Variants in KIF16B observed in about 807,000 individuals in gnomAD.
KIF16B encodes kinesin family member 16B.
A neutral mutation model predicts 156.3 loss-of-function variants in KIF16B; 98 were observed. The ratio of observed to expected loss-of-function variants is 0.63; its 90% confidence interval spans 0.53 to 0.74. The LOEUF is 0.74. Among genes scored for constraint, KIF16B ranks in the 30% least tolerant of loss-of-function variants. KIF16B has a pLI of 0.00. For synonymous variants in KIF16B, 564 were observed against 583.7 expected, an observed-to-expected ratio of 0.97 and a Z score of 0.49; for missense variants, 1,421 against 1,606.5, an observed-to-expected ratio of 0.88 and a Z score of 1.97.
chr20:16,423,072 G>C (rs2146389416), intron 15 of KIF16B, among the ~76,000 whole-genome samples: 1 of 152,194 alleles, frequency 6.6e-6, no homozygotes, highest in South Asian at 2.1e-4. Context: ...AATGCTGTAT[G>C]TGTTTTCATT....
At chr20:16,338,448 T>C (rs2064080878) in intron 23 of KIF16B, among the ~76,000 whole-genome samples, 2 of 152,162 alleles carry the variant, frequency 1.3e-5, no homozygotes, top group South Asian at 4.2e-4. Flanking sequence ...TGTCATCTGC[T>C]TCAGCCCTAT....
chr20:16,504,326 G>A, intron 10 of KIF16B, 46 bp downstream of exon 10: 8 of 1,566,328 alleles, frequency 5.1e-6, no homozygotes, highest in Non-Finnish European at 6.1e-6. Flanking sequence ...AGAAATAGAT[G>A]CCATTACTCA....
At chr20:16,309,569 C>T (rs2122686209) in intron 25 of KIF16B, among the ~76,000 whole-genome samples, 1 of 152,294 alleles carries the variant, frequency 6.6e-6, no homozygotes, top group South Asian at 2.1e-4. Context: ...ATGTCTTTAA[C>T]ATGAAAACAT....
chr20:16,551,248 A>G (rs564098991), intron 1 of KIF16B, among the ~76,000 whole-genome samples: 1 of 151,396 alleles, frequency 6.6e-6, no homozygotes, highest in South Asian at 2.1e-4. Context: ...CTCCTGCCTC[A>G]GCCTCCTAAG....
intron 24 of KIF16B, among the ~76,000 whole-genome samples, chr20:16,327,330 T>C (rs1301050167): frequency 1.3e-5 from 2 of 151,898 alleles, no homozygotes; most frequent in African/African-American, 2.4e-5. Flanking sequence ...AGACTACACA[T>C]TGGGTACAGT....
At chr20:16,553,548 T>G (rs986542270) in intron 1 of KIF16B, among the ~76,000 whole-genome samples, 5 of 152,242 alleles carry the variant, frequency 3.3e-5, no homozygotes, top group Admixed American at 1.3e-4. Context: ...TAAGCCTATT[T>G]GGACCTCAAT....
chr20:16,417,322 C>A (rs533252569), intron 15 of KIF16B, among the ~76,000 whole-genome samples: 1 of 152,130 alleles, frequency 6.6e-6, no homozygotes, highest in Non-Finnish European at 1.5e-5. Flanking sequence ...GGGTAGTACA[C>A]CCACTGCTAC....
intron 12 of KIF16B, among the ~76,000 whole-genome samples, chr20:16,460,663 T>C (rs938785075): frequency 2.0e-5 from 3 of 151,822 alleles, no homozygotes; most frequent in Non-Finnish European, 2.9e-5. Context: ...ATTCATCCAA[T>C]AGATAAATCA....
intron 12 of KIF16B, among the ~76,000 whole-genome samples, chr20:16,463,861 T>C (rs767119329): frequency 1.3e-5 from 2 of 152,214 alleles, no homozygotes; most frequent in Non-Finnish European, 2.9e-5. Flanking sequence ...ATTAAAAATA[T>C]TTTTTAATGA....
rs6034533 is a variant in KIF16B at position 16,563,234 on chromosome 20, C to T, written c.47+9995G>A. Among the ~76,000 whole-genome samples, 340 of 152,302 alleles carry T rather than the reference C, an allele frequency of 2.2e-3. 1 individual carries two copies. Among genetic ancestry groups the T allele is most frequent in the African/African-American group, 7.6e-3 (317 of 41,568 alleles). On this transcript the variant is annotated intron_variant, in intron 1 of 25. Coordinates refer to ENST00000354981, the MANE Select transcript of KIF16B (RefSeq NM_024704.5). ...ACCGAAGGCAAGCTTCCTGGCCCCACTGGTGGTTACCTCCTTTGTGCTTGG... is the reference window on the plus strand; with the variant it reads ...ACCGAAGGCAAGCTTCCTGGCCCCATTGGTGGTTACCTCCTTTGTGCTTGG...
At chr20:16,436,925 C>G (rs2066655448) in intron 12 of KIF16B, among the ~76,000 whole-genome samples, 2 of 152,158 alleles carry the variant, frequency 1.3e-5, no homozygotes, top group South Asian at 2.1e-4. Context: ...AAACAGTCAT[C>G]CCTTGATATC....
chr20:16,300,141 C>T lies in KIF16B; in HGVS notation c.3795+12194G>A, dbSNP rs183903429. On this transcript the variant is annotated intron_variant, in intron 25 of 25. Coordinates refer to ENST00000354981, the MANE Select transcript of KIF16B (RefSeq NM_024704.5). ...GCTTCTGTGTTCAAACATTTTAACACGGAAAGGGAATCCCACTAGGTCTAA... is the reference window on the plus strand; with the variant it reads ...GCTTCTGTGTTCAAACATTTTAACATGGAAAGGGAATCCCACTAGGTCTAA... Among the ~76,000 whole-genome samples the T allele has an allele frequency of 1.4e-4, 21 of 152,206 alleles. No homozygotes were observed. In the East Asian group the frequency reaches 2.3e-3, roughly 17 times the overall value.
chr20:16,335,660 T>C (rs2064022649), intron 24 of KIF16B, among the ~76,000 whole-genome samples: 1 of 152,216 alleles, frequency 6.6e-6, no homozygotes, highest in African/African-American at 2.4e-5. Flanking sequence ...ATGAGAAGGA[T>C]GGAGTTCACT....
chr20:16,329,153 C>A (rs2063906532), intron 24 of KIF16B, among the ~76,000 whole-genome samples: 2 of 152,134 alleles, frequency 1.3e-5, no homozygotes, highest in South Asian at 4.1e-4. Flanking sequence ...ACCAGTCATC[C>A]AAAAAGCTAG....
At chr20:16,293,227 C>T (rs970276439) in intron 25 of KIF16B, among the ~76,000 whole-genome samples, 2 of 152,048 alleles carry the variant, frequency 1.3e-5, no homozygotes, top group African/African-American at 4.8e-5. Flanking sequence ...GAACTGTTTA[C>T]CAGAGTAGAG....
chr20:16,310,057 C>G (rs192349672), intron 25 of KIF16B, among the ~76,000 whole-genome samples: 180 of 152,292 alleles, frequency 1.2e-3, no homozygotes, highest in Admixed American at 2.6e-3. Flanking sequence ...GATTAACTTT[C>G]TATTAAAGTG....
chr20:16,492,242 A>G (rs1258633541), intron 12 of KIF16B, among the ~76,000 whole-genome samples: 1 of 152,170 alleles, frequency 6.6e-6, no homozygotes, highest in African/African-American at 2.4e-5. Context: ...ACTAACAATC[A>G]ATTTCTAAAG....
chr20:16,477,404 C>T (rs1182642318), intron 12 of KIF16B, among the ~76,000 whole-genome samples: 3 of 152,120 alleles, frequency 2.0e-5, no homozygotes, highest in Non-Finnish European at 4.4e-5. Context: ...ACTCAAACAA[C>T]AAACAAGGTT....
At chr20:16,454,124 C>A (rs180711498) in intron 12 of KIF16B, among the ~76,000 whole-genome samples, 5 of 152,180 alleles carry the variant, frequency 3.3e-5, no homozygotes, top group Middle Eastern at 3.4e-3. Flanking sequence ...AGGAAAATCT[C>A]TAAGAAGATT....
Sources: allele counts gnomAD v4.1 joint callset (sites outside exome capture counted in the v4.1 genomes callset), GRCh38; gene constraint gnomAD v4.1.1; transcripts MANE v1.5; gene names NCBI Gene and HGNC (gene_info 2026-07-23, HGNC 2026-07-21).